The following ZFHX3 variants were observed in gnomAD, a reference collection of about 807,000 sequenced individuals.
ZFHX3 encodes zinc finger homeobox 3.
In ZFHX3, 42 loss-of-function variants were observed where a neutral mutation model predicts 279.1. The ratio of observed to expected loss-of-function variants is 0.15; its 90% CI spans 0.12 to 0.19. The LOEUF is 0.19. ZFHX3 is among the 10% of genes least tolerant of loss of function. The pLI is 1.00. For synonymous variants in ZFHX3, 2,293 were observed against 1,957.8 expected (o/e 1.17, Z -4.52); for missense variants, 4,981 against 4,754.0 (o/e 1.05, Z -1.40).
chr16:73,098,792 C>T (rs776718632), intron 7 of ZFHX3: 1 of 152,208 alleles, frequency 6.6e-6, no homozygotes, highest in Non-Finnish European at 1.5e-5. Context: ...GGGAATTCCT[C>T]TCTGACTGTC....
chr16:72,903,435 A>T (rs1339991143), intron 3 of ZFHX3, among the ~76,000 whole-genome samples: 2 of 152,194 alleles, frequency 1.3e-5, no homozygotes, highest in Non-Finnish European at 2.9e-5. Context: ...ACTGTCTTAC[A>T]GTGGGGGTTA....
intron 1 of ZFHX3, among the ~76,000 whole-genome samples, chr16:73,760,638 G>T (rs1438250911): frequency 2.6e-5 from 4 of 152,158 alleles, no homozygotes; most frequent in African/African-American, 9.7e-5. Flanking sequence ...AATCAAGTTG[G>T]CTTGATTGCC....
At chr16:73,094,484 T>G (rs1966132203) in intron 7 of ZFHX3, 1 of 151,852 alleles carries the variant, frequency 6.6e-6, no homozygotes, top group African/African-American at 2.4e-5. Context: ...AAGTACTAGG[T>G]ACAAAGTAGC....
chr16:72,902,043 T>C (rs1194852297), intron 3 of ZFHX3, among the ~76,000 whole-genome samples: 1 of 152,230 alleles, frequency 6.6e-6, no homozygotes, highest in Non-Finnish European at 1.5e-5. Context: ...ACTTTAACTT[T>C]AAATAATGCA....
chr16:73,569,295 GC>G (rs2051709978), intron 2 of ZFHX3, among the ~76,000 whole-genome samples: 1 of 152,000 alleles, frequency 6.6e-6, no homozygotes, highest in Admixed American at 6.6e-5. Flanking sequence ...GTGAATAACA[GC>G]CCTGATACGA....
Position 73,485,476 on chromosome 16 carries a change from A to G in ZFHX3, c.-1546-29218T>C, listed in dbSNP as rs757935899. On this transcript the variant is annotated intron_variant, in intron 2 of 17. Transcript: ENST00000641206. ...TCTAGCATTTACAATAATTTTTCTT[A>G]AGAAAAAAATATTCTTTGATGAAAA... 1.3e-4 allele frequency among the ~76,000 whole-genome samples: 20 copies of G among 150,948 alleles called. 1 individual carries two copies. Among genetic ancestry groups the G allele is most frequent in the Non-Finnish European group, 2.6e-4 (18 of 67,932 alleles).
chr16:72,812,073 C>T, intron 5 of ZFHX3, 35 bp from the exon 6 acceptor site: 1 of 1,607,178 alleles, frequency 6.2e-7, no homozygotes, highest in East Asian at 2.2e-5. Flanking sequence ...ATACAGCAGC[C>T]AGACCAGGCC....
At chr16:73,786,586 A>G (rs1959653836) in intron 1 of ZFHX3, among the ~76,000 whole-genome samples, 1 of 152,154 alleles carries the variant, frequency 6.6e-6, no homozygotes, top group Non-Finnish European at 1.5e-5. Flanking sequence ...GGACAACAAT[A>G]TCCTCCTAAC....
intron 1 of ZFHX3, among the ~76,000 whole-genome samples, chr16:73,850,057 A>G (rs747475765): frequency 1.5e-4 from 23 of 152,188 alleles, no homozygotes; most frequent in Non-Finnish European, 3.1e-4. Flanking sequence ...AAAGGAAGGA[A>G]GGGAGGGGAA....
chr16:73,075,566 C>T (rs576448971), intron 8 of ZFHX3, among the ~76,000 whole-genome samples: 1 of 151,724 alleles, frequency 6.6e-6, no homozygotes, highest in South Asian at 2.1e-4. Flanking sequence ...CAGTGATATA[C>T]AATATAAATA....
intron 2 of ZFHX3, among the ~76,000 whole-genome samples, chr16:73,507,169 T>C (rs1392002190): frequency 6.6e-6 from 1 of 152,214 alleles, no homozygotes; most frequent in Non-Finnish European, 1.5e-5. Context: ...ATAGGCACAC[T>C]CTGATTCAGG....
intron 3 of ZFHX3, among the ~76,000 whole-genome samples, chr16:72,903,052 C>T (rs1441782349): frequency 1.3e-5 from 2 of 151,934 alleles, no homozygotes; most frequent in Non-Finnish European, 2.9e-5. Context: ...TCTGAATTCT[C>T]ACCAGGATAA....
intron 1 of ZFHX3, among the ~76,000 whole-genome samples, chr16:73,038,032 T>C (rs1448133585): frequency 6.6e-6 from 1 of 152,208 alleles, no homozygotes; most frequent in African/African-American, 2.4e-5. Context: ...TCACCCTTCT[T>C]AGATCTCGGC....
At chr16:73,510,197 A>T (rs2019404984) in intron 2 of ZFHX3, among the ~76,000 whole-genome samples, 1 of 151,534 alleles carries the variant, frequency 6.6e-6, no homozygotes, top group Non-Finnish European at 1.5e-5. Flanking sequence ...CAATTACACC[A>T]CTCTCTTCTA....
At chr16:73,432,223 C>A (rs1281071546) in intron 3 of ZFHX3, among the ~76,000 whole-genome samples, 1 of 152,082 alleles carries the variant, frequency 6.6e-6, no homozygotes, top group Non-Finnish European at 1.5e-5. Flanking sequence ...GGTTTCTAGG[C>A]CATTATTCTC....
chr16:73,164,256 G>A (rs1967307680), intron 5 of ZFHX3, among the ~76,000 whole-genome samples: 1 of 152,134 alleles, frequency 6.6e-6, no homozygotes, highest in South Asian at 2.1e-4. Flanking sequence ...GTTGACTGTG[G>A]GTCTGGATAT....
At chr16:72,952,171 C>A (rs1409924218) in intron 2 of ZFHX3, among the ~76,000 whole-genome samples, 1 of 152,216 alleles carries the variant, frequency 6.6e-6, no homozygotes, top group Admixed American at 6.5e-5. Flanking sequence ...GCCTGAGAGG[C>A]AGAGGCTGCA....
intron 1 of ZFHX3, among the ~76,000 whole-genome samples, chr16:73,039,670 G>A (rs948133086): frequency 1.3e-5 from 2 of 152,014 alleles, no homozygotes; most frequent in Non-Finnish European, 2.9e-5. Context: ...AAGTGACCAG[G>A]CCTGAGATCC....
At chr16:73,791,482 C>A (rs562010340) in intron 1 of ZFHX3, among the ~76,000 whole-genome samples, 1 of 152,028 alleles carries the variant, frequency 6.6e-6, no homozygotes, top group Admixed American at 6.6e-5. Flanking sequence ...CGGAGTGCAG[C>A]GGCGCCATCT....
Sources: allele counts gnomAD v4.1 joint callset (sites outside exome capture counted in the v4.1 genomes callset), GRCh38; gene constraint gnomAD v4.1.1; transcripts MANE v1.5; gene names NCBI Gene and HGNC (gene_info 2026-07-23, HGNC 2026-07-21).